CYP4Z1: variants seen among roughly 807,000 people sequenced by gnomAD.
The protein encoded by CYP4Z1 is cytochrome P450 4Z1.
Under a neutral mutation model 54.2 loss-of-function variants are expected in CYP4Z1, and 41 were observed. The observed-to-expected ratio is 0.76, with a 90% confidence interval of 0.59 to 0.98. The LOEUF (loss-of-function observed/expected upper bound fraction) is 0.98. Among genes scored for constraint, CYP4Z1 ranks in the 50% least tolerant of loss-of-function variants. The probability of loss-of-function intolerance (pLI) is 0.00; values close to 1 mark genes in which losing one functional copy is unlikely to be tolerated. For synonymous variants in CYP4Z1, 163 were observed against 206.2 expected (o/e 0.79, Z 1.79); for missense variants, 513 against 599.0 (o/e 0.86, Z 1.50).
chr1:47,115,395 A>G lies in CYP4Z1; in HGVS notation c.1202-134A>G, dbSNP rs942618685. On this transcript the variant is annotated intron_variant, in intron 9 of 11. Transcript: ENST00000334194. ...ACACCAACATGGCACATGTATACAT[A>G]TGTAACAAACCTTCATGTTGTGCAT... 2.2e-5 allele frequency: 16 copies of G among 729,308 alleles called. No individual in the cohort carries two copies. The African/African-American group carries it at 2.9e-4, about 13-fold the overall frequency. The allele number at this position is 729,308 out of a possible 1,614,324, so 45.2% of individuals were successfully genotyped here.
chr1:47,084,913 T>C lies in CYP4Z1; in HGVS notation c.707T>C (p.Val236Ala). The change falls in exon 6 of 12, where the codon GTT (valine) becomes GCT (alanine). Residue 236 changes from valine to alanine, a missense_variant. Transcript: ENST00000334194. The stretch of plus-strand genomic sequence containing the variant: ...AATTTTCTACATCACAACGACCTGG[T>C]TTTCAAATTCAGCTCTCAAGGCCAA... ...MNNFLHHNDLVFKFSSQGQIF... is the reference protein window; with the variant it reads ...MNNFLHHNDLAFKFSSQGQIF... 6.4e-7 allele frequency: 1 copy of C among 1,552,466 alleles called. No individual in the cohort carries two copies. Among genetic ancestry groups the C allele is most frequent in the Non-Finnish European group, 8.7e-7 (1 of 1,143,294 alleles).
the CYP4Z1 span, among the ~76,000 whole-genome samples, chr1:47,055,553 C>A: frequency 6.6e-6 from 1 of 152,066 alleles, no homozygotes; most frequent in Non-Finnish European, 1.5e-5. Context: ...TGGTCCTGGA[C>A]TTTTTTTGGT....
Position 47,118,092 on chromosome 1 carries a change from T to A in CYP4Z1, c.*158T>A. Reference sequence around the variant, plus strand: ...TTTTGACATCCATTAACAGTAATTTTAATTTCTTTGCTGTATCTGGTGAAA... The same window carrying A: ...TTTTGACATCCATTAACAGTAATTTAAATTTCTTTGCTGTATCTGGTGAAA... On this transcript the variant is annotated 3_prime_UTR_variant, in exon 12 of 12. Transcript: ENST00000334194. The A allele has an allele frequency of 1.3e-6, 1 of 778,830 alleles. No individual in the cohort carries two copies. Among genetic ancestry groups the A allele is most frequent in the Non-Finnish European group, 1.9e-6 (1 of 536,434 alleles). The allele number at this position is 778,830 out of a possible 1,614,324, so 48.2% of individuals were successfully genotyped here. A position where few individuals can be genotyped will look rare whatever the true frequency, so the allele number is the denominator to read the frequency against.
intron 10 of CYP4Z1, among the ~76,000 whole-genome samples, chr1:47,116,150 G>A (rs1274205412): frequency 5.3e-5 from 8 of 151,976 alleles, no homozygotes; most frequent in African/African-American, 1.7e-4. Flanking sequence ...GATACTAATC[G>A]GCAGCCTCTC....
chr1:47,055,538 C>T, the CYP4Z1 span, among the ~76,000 whole-genome samples: 1 of 152,276 alleles, frequency 6.6e-6, no homozygotes, highest in South Asian at 2.1e-4. Context: ...GGCTGTGAAT[C>T]CATCTGGTCC....
chr1:47,067,784 A>C, intron 1 of CYP4Z1, 117 bp downstream of exon 1: 42 of 946,892 alleles, frequency 4.4e-5, no homozygotes, highest in Non-Finnish European at 5.3e-5. Context: ...CACCAATCTC[A>C]TTGTGATTTT....
chr1:47,076,805 C>T (rs1334946678), intron 2 of CYP4Z1, among the ~76,000 whole-genome samples: 1 of 137,956 alleles, frequency 7.2e-6, no homozygotes, highest in South Asian at 2.6e-4. Flanking sequence ...AGATCGCGCC[C>T]CTGCACTCCA....
the CYP4Z1 span, among the ~76,000 whole-genome samples, chr1:47,055,867 C>T: frequency 6.6e-6 from 1 of 151,722 alleles, no homozygotes; most frequent in Admixed American, 6.6e-5. Context: ...TTTCAGAAAG[C>T]CAGCTCCTGG....
At chr1:47,069,501 T>C (rs1644476711) in intron 2 of CYP4Z1, among the ~76,000 whole-genome samples, 1 of 151,934 alleles carries the variant, frequency 6.6e-6, no homozygotes, top group Non-Finnish European at 1.5e-5. Flanking sequence ...GCTTTCTTCC[T>C]GGTAATGGTG....
chr1:47,082,998 A>G (rs1502927), intron 4 of CYP4Z1, among the ~76,000 whole-genome samples: 152,287 of 152,288 alleles, frequency 1, 76,143 homozygotes, highest in Non-Finnish European at 1. Flanking sequence ...AGAAGACACA[A>G]TTGTGTGTCT....
At position 47,118,031 on chromosome 1, in the gene CYP4Z1, T is replaced by G; in HGVS notation, c.*97T>G. The G allele has an allele frequency of 4.1e-6, 5 of 1,218,402 alleles. No individual in the cohort carries two copies. The highest frequency in any genetic ancestry group is 5.6e-6 in the Non-Finnish European group (5 of 897,448). The allele number at this position is 1,218,402 out of a possible 1,614,324, so 75.5% of individuals were successfully genotyped here. On this transcript the variant is annotated 3_prime_UTR_variant, in exon 12 of 12. Coordinates refer to ENST00000334194, the MANE Select transcript of CYP4Z1 (RefSeq NM_178134.3). The stretch of plus-strand genomic sequence containing the variant: ...ATACAAAATATATGTATATGGTTGT[T>G]TGACAAATTATATAACTTAGGATAC...
Position 47,068,692 on chromosome 1 carries a change from G to C in CYP4Z1, c.248G>C (p.Trp83Ser), listed in dbSNP as rs765578888. The C allele has an allele frequency of 2.5e-6, 4 of 1,614,018 alleles. No individual in the cohort carries two copies. The change falls in exon 2 of 12, where the codon TGG (tryptophan) becomes TCG (serine). Residue 83 changes from tryptophan (W) to serine (S), a missense_variant. By Grantham distance (177) the Trp-to-Ser change is radical (BLOSUM62 -3). Coordinates refer to ENST00000334194, the MANE Select transcript of CYP4Z1 (RefSeq NM_178134.3). ...AAATACCCATGTGCTGTTCCCTTGT[G>C]GGTTGGACCCTTTACGATGTTCTTC... ...MEKYPCAVPL[W>S]VGPFTMFFSV...
intron 6 of CYP4Z1, among the ~76,000 whole-genome samples, chr1:47,087,490 CTGTT>C (rs1182085146): frequency 2.6e-5 from 4 of 152,300 alleles, no homozygotes; most frequent in South Asian, 2.1e-4. Context: ...GATTTGCTCT[CTGTT>C]TGTCTGTTAT....
intron 6 of CYP4Z1, among the ~76,000 whole-genome samples, chr1:47,085,409 T>C (rs1644585011): frequency 1.3e-5 from 2 of 152,138 alleles, no homozygotes; most frequent in South Asian, 4.1e-4. Context: ...TTGCATGGGT[T>C]TTTGGGGACT....
At position 47,117,535 on chromosome 1, in the gene CYP4Z1, G is replaced by A. The variant is rs143014600; in HGVS notation, c.1350-231G>A. Among the ~76,000 whole-genome samples, 825 of 152,118 alleles carry A rather than the reference G, an allele frequency of 5.4e-3. 6 individuals are homozygous for A. Among genetic ancestry groups the A allele is most frequent in the African/African-American group, 0.019 (805 of 41,496 alleles). On this transcript the variant is annotated intron_variant, in intron 11 of 11. Transcript: ENST00000334194. Reference sequence around the variant, plus strand: ...GGAGGCCAAGGTAGGCGGATTACTTGAGATCAGGAATTTGAGACCAGCCTG... The same window carrying A: ...GGAGGCCAAGGTAGGCGGATTACTTAAGATCAGGAATTTGAGACCAGCCTG...
At position 47,115,494 on chromosome 1, in the gene CYP4Z1, C is replaced by T. The variant is rs775632356; in HGVS notation, c.1202-35C>T. On this transcript the variant is annotated intron_variant, in intron 9 of 11. Coordinates refer to ENST00000334194, the MANE Select transcript of CYP4Z1 (RefSeq NM_178134.3). ...AAAAAAAAAAGACAGAATCTTCGCT[C>T]ATGCACTTACCTGCTTTTTCTTCTG... is the stretch of plus-strand genomic sequence containing the variant. 5.7e-6 allele frequency: 9 copies of T among 1,583,116 alleles called. No individual in the cohort carries two copies. The East Asian group carries it at 1.1e-4, about 20-fold the overall frequency.
the CYP4Z1 span, among the ~76,000 whole-genome samples, chr1:47,057,327 G>GAAAAAA: frequency 0.025 from 444 of 17,880 alleles, 57 homozygotes; most frequent in African/African-American, 0.03. Context: ...TACTTCTTAA[G>GAAAAAA]AAAAAAAAAT....
At chr1:47,099,400 G>C in intron 8 of CYP4Z1, 116 bp downstream of exon 8, 1 of 1,016,160 alleles carries the variant, frequency 9.8e-7, no homozygotes, top group Non-Finnish European at 1.4e-6. Flanking sequence ...ATTTGGAAAG[G>C]TAAGGGTGTA....
At chr1:47,057,007 C>G in the CYP4Z1 span, among the ~76,000 whole-genome samples, 1 of 152,074 alleles carries the variant, frequency 6.6e-6, no homozygotes, top group South Asian at 2.1e-4. Context: ...GCAGTTTCTT[C>G]CTAGCTTCGA....
Sources: allele counts gnomAD v4.1 joint callset (sites outside exome capture counted in the v4.1 genomes callset), GRCh38; gene constraint gnomAD v4.1.1; transcripts MANE v1.5; gene names NCBI Gene and HGNC (gene_info 2026-07-23, HGNC 2026-07-21).